Variants in SIK3 observed in about 807,000 individuals in gnomAD.
SIK3 encodes SIK family kinase 3.
SIK3 carries 28 observed loss-of-function variants against 144.2 expected under a neutral mutation model. The observed-to-expected ratio is 0.19, with a 90% CI of 0.14 to 0.27. The LOEUF (loss-of-function observed/expected upper bound fraction) is 0.27. Ranked by LOEUF, SIK3 falls within the 10% of genes least tolerant of loss-of-function variation. The probability of loss-of-function intolerance (pLI) is 1.00; values close to 1 mark genes in which losing one functional copy is unlikely to be tolerated. For synonymous variants in SIK3, 686 were observed against 676.3 expected, an observed-to-expected ratio of 1.01 and a Z score of -0.22; for missense variants, 1,319 against 1,776.0, an observed-to-expected ratio of 0.74 and a Z score of 4.62.
At chr11:116,887,956 C>A (rs950410950) in intron 6 of SIK3, among the ~76,000 whole-genome samples, 8 of 152,182 alleles carry the variant, frequency 5.3e-5, no homozygotes, top group African/African-American at 1.7e-4. Flanking sequence ...GTCAAACAAA[C>A]AACACCAGGC....
chr11:116,896,317 T>C lies in SIK3; in HGVS notation c.801A>G (p.Thr267=), dbSNP rs909825299. 2.1e-5 allele frequency: 34 copies of C among 1,614,028 alleles called. No homozygotes were observed. Among genetic ancestry groups the C allele is most frequent in the Non-Finnish European group, 2.6e-5 (31 of 1,179,938 alleles). Residue 267 remains threonine (T), a synonymous_variant, in exon 6 of 25, where the codon ACA becomes ACG. Coordinates refer to ENST00000445177, the MANE Select transcript of SIK3 (RefSeq NM_001366686.3). ...VCGALPFDGS[T]LQNLRARVLS... ...GCACGCGGGCCCGCAGATTCTGCAG[T>C]GTGCTTCCATCAAATGGCAGGGCAC...
intron 1 of SIK3, among the ~76,000 whole-genome samples, chr11:117,066,672 A>T (rs950634551): frequency 6.6e-6 from 1 of 152,018 alleles, no homozygotes; most frequent in Non-Finnish European, 1.5e-5. Context: ...AATAGCTGGG[A>T]CTAAAGGCAC....
chr11:116,876,831 C>G (rs191449055), intron 7 of SIK3, 93 bp downstream of exon 7: 2 of 1,006,440 alleles, frequency 2.0e-6, no homozygotes, highest in East Asian at 4.9e-5. Context: ...TCCCAGTGTC[C>G]GCCTTTCAGG....
At chr11:116,991,863 G>A (rs146280856) in intron 1 of SIK3, among the ~76,000 whole-genome samples, 26 of 152,056 alleles carry the variant, frequency 1.7e-4, no homozygotes, top group Non-Finnish European at 3.1e-4. Flanking sequence ...ACATCTTCAG[G>A]CAAAATTAAC....
chr11:116,949,191 C>T (rs1948814943), intron 3 of SIK3, among the ~76,000 whole-genome samples: 1 of 152,108 alleles, frequency 6.6e-6, no homozygotes, highest in South Asian at 2.1e-4. Flanking sequence ...ACTACAGGCG[C>T]ATGCCACCAT....
intron 4 of SIK3, among the ~76,000 whole-genome samples, chr11:116,910,202 C>T (rs6589578): frequency 0.084 from 12,706 of 151,964 alleles, 1,020 homozygotes; most frequent in African/African-American, 0.21. Context: ...TCTATAATAT[C>T]ACTTGCTTCC....
chr11:117,023,846 T>A (rs1169703741), intron 1 of SIK3, among the ~76,000 whole-genome samples: 1 of 151,674 alleles, frequency 6.6e-6, no homozygotes, highest in Non-Finnish European at 1.5e-5. Flanking sequence ...CATAACTAAT[T>A]TTTTGTATTT....
At chr11:116,913,836 G>C (rs1348132592) in intron 4 of SIK3, among the ~76,000 whole-genome samples, 1 of 152,044 alleles carries the variant, frequency 6.6e-6, no homozygotes. Flanking sequence ...GTTGCAGTGG[G>C]CAGAGATCGG....
At chr11:116,951,397 CAAT>C (rs1343820988) in intron 3 of SIK3, among the ~76,000 whole-genome samples, 1 of 151,910 alleles carries the variant, frequency 6.6e-6, no homozygotes, top group Non-Finnish European at 1.5e-5. Flanking sequence ...TTAATAGTAT[CAAT>C]AATAACATTT....
chr11:117,093,918 A>G (rs1282867288), intron 1 of SIK3, among the ~76,000 whole-genome samples: 1 of 152,158 alleles, frequency 6.6e-6, no homozygotes. Flanking sequence ...GAGGACTATT[A>G]TTATGTCCAT....
chr11:116,980,594 TA>T (rs1293625712), intron 1 of SIK3, among the ~76,000 whole-genome samples: 2 of 152,226 alleles, frequency 1.3e-5, no homozygotes, highest in Non-Finnish European at 2.9e-5. Flanking sequence ...GGCTCATGCC[TA>T]TAATGCCAGC....
intron 21 of SIK3, chr11:116,855,647 T>C (rs1432769966): frequency 6.6e-6 from 1 of 152,300 alleles, no homozygotes; most frequent in Non-Finnish European, 1.5e-5. Flanking sequence ...CACTGTTTGC[T>C]GCAGCTATGC....
intron 3 of SIK3, among the ~76,000 whole-genome samples, chr11:116,934,348 T>C (rs77204473): frequency 4.6e-5 from 7 of 152,328 alleles, no homozygotes; most frequent in Admixed American, 3.9e-4. Flanking sequence ...CCTTAGATTT[T>C]ATTAGCAAAA....
At chr11:117,091,081 C>A (rs1354706661) in intron 1 of SIK3, among the ~76,000 whole-genome samples, 1 of 151,918 alleles carries the variant, frequency 6.6e-6, no homozygotes, top group Non-Finnish European at 1.5e-5. Context: ...CCAGCTCCCC[C>A]ACTAACTACC....
intron 1 of SIK3, among the ~76,000 whole-genome samples, chr11:116,965,991 A>T (rs1949535286): frequency 6.6e-6 from 1 of 151,484 alleles, no homozygotes; most frequent in Admixed American, 6.6e-5. Context: ...AATGTAGGAC[A>T]AACAGGAAAC....
chr11:116,947,347 C>T (rs538924431), intron 3 of SIK3, among the ~76,000 whole-genome samples: 58 of 145,038 alleles, frequency 4.0e-4, no homozygotes, highest in Admixed American at 7.3e-4. Context: ...GCAAAAGATA[C>T]TAAGAAGGAA....
In SIK3 at chr11:116,846,972, C is replaced by T. The variant is rs1942018719; in HGVS notation, c.3953-419G>A. ...TTGATACTCACTAAGCCAGCCAGCCCTCAGGGCACAATGTAGGATAAAGGC... is the reference window on the plus strand; with the variant it reads ...TTGATACTCACTAAGCCAGCCAGCCTTCAGGGCACAATGTAGGATAAAGGC... On this transcript the variant is annotated intron_variant, in intron 23 of 24. Coordinates refer to ENST00000445177, the MANE Select transcript of SIK3 (RefSeq NM_001366686.3). This position sits in a 1 kb window ranked among gnomAD's most constrained non-coding sequence, Gnocchi z 4.1. Among the ~76,000 whole-genome samples, 1 of 152,196 alleles carries T rather than the reference C, an allele frequency of 6.6e-6. No homozygotes were observed. The highest frequency in any genetic ancestry group is 1.5e-5 in the Non-Finnish European group (1 of 68,036).
chr11:116,919,759 T>C (rs1477754825), intron 4 of SIK3, among the ~76,000 whole-genome samples: 1 of 152,234 alleles, frequency 6.6e-6, no homozygotes, highest in East Asian at 1.9e-4. Context: ...GATAGCTTAA[T>C]ATAATCCATC....
At chr11:116,888,992 G>C (rs1944965126) in intron 6 of SIK3, among the ~76,000 whole-genome samples, 1 of 152,210 alleles carries the variant, frequency 6.6e-6, no homozygotes, top group Non-Finnish European at 1.5e-5. Context: ...GGTGATGGGG[G>C]TGGAGGATAG....
Sources: gnomAD v4.1 joint callset for allele counts (sites outside exome capture counted in the v4.1 genomes callset) on GRCh38, gnomAD v4.1.1 for gene constraint, Gnocchi (gnomAD v3.1) non-coding constraint, MANE v1.5 for transcripts, NCBI Gene and HGNC (gene_info 2026-07-23, HGNC 2026-07-21) for gene names.